DNAI1: variants seen among roughly 807,000 people sequenced by gnomAD.
The protein encoded by DNAI1 is dynein axonemal intermediate chain 1.
A neutral mutation model predicts 92.0 loss-of-function variants in DNAI1; 67 were observed. The ratio of observed to expected loss-of-function variants is 0.73; its 90% CI spans 0.60 to 0.89. The LOEUF is 0.89. Ranked by LOEUF, DNAI1 falls within the 40% of genes least tolerant of loss-of-function variation. The pLI is 0.00. For synonymous variants in DNAI1, 323 were observed against 319.6 expected, an observed-to-expected ratio of 1.01 and a Z score of -0.11; for missense variants, 839 against 866.6, an observed-to-expected ratio of 0.97 and a Z score of 0.40.
intron 10 of DNAI1, among the ~76,000 whole-genome samples, chr9:34,500,273 A>G (rs923380317): frequency 1.3e-5 from 2 of 152,074 alleles, no homozygotes; most frequent in Non-Finnish European, 2.9e-5. Flanking sequence ...TTGGCTGTGG[A>G]TATGAAAATG....
intron 1 of DNAI1, among the ~76,000 whole-genome samples, chr9:34,461,295 A>G (rs1393167020): frequency 1.1e-4 from 16 of 152,212 alleles, no homozygotes; most frequent in Admixed American, 1.0e-3. Flanking sequence ...TTTAAAATAA[A>G]CATTATTGAG....
chr9:34,481,991 T>C (rs1824369682), intron 1 of DNAI1, among the ~76,000 whole-genome samples: 1 of 152,210 alleles, frequency 6.6e-6, no homozygotes, highest in Non-Finnish European at 1.5e-5. Flanking sequence ...TAGAGCCGAG[T>C]GGCCTGTTTT....
At chr9:34,466,224 C>G (rs560603026) in intron 1 of DNAI1, among the ~76,000 whole-genome samples, 1 of 152,318 alleles carries the variant, frequency 6.6e-6, no homozygotes, top group African/African-American at 2.4e-5. Flanking sequence ...CAATTCATGC[C>G]TCCTTTATCC....
At chr9:34,501,937 T>C (rs1459603409) in intron 12 of DNAI1, among the ~76,000 whole-genome samples, 1 of 152,198 alleles carries the variant, frequency 6.6e-6, no homozygotes, top group Admixed American at 6.5e-5. Flanking sequence ...AAGAAGCCCC[T>C]AGCGCTGTGC....
chr9:34,500,643 G>A, intron 10 of DNAI1, 79 bp from the exon 11 acceptor site: 1 of 926,036 alleles, frequency 1.1e-6, no homozygotes, highest in South Asian at 1.4e-5. Context: ...TGCCCAAGGA[G>A]GTACAGACAG....
chr9:34,485,095 C>G, intron 2 of DNAI1, 47 bp from the exon 3 acceptor site: 1 of 1,589,214 alleles, frequency 6.3e-7, no homozygotes, highest in South Asian at 1.1e-5. Flanking sequence ...GTATGCTTGT[C>G]CAAGCAGAAA....
intron 1 of DNAI1, among the ~76,000 whole-genome samples, chr9:34,464,917 A>G (rs1195500903): frequency 1.3e-5 from 2 of 152,194 alleles, no homozygotes; most frequent in Non-Finnish European, 2.9e-5. Context: ...TGGATAGAAG[A>G]AGAAGAGTCC....
chr9:34,494,956 A>G (rs1217593975), intron 9 of DNAI1, among the ~76,000 whole-genome samples: 4 of 152,208 alleles, frequency 2.6e-5, no homozygotes, highest in Admixed American at 6.5e-5. Context: ...CCAGTGGTTG[A>G]ACAGAGTGAC....
At chr9:34,489,850 CAAAA>C (rs962055294) in intron 5 of DNAI1, 158 bp from the exon 6 acceptor site, 71 of 946,950 alleles carry the variant, frequency 7.5e-5, no homozygotes, top group Admixed American at 4.7e-4. Context: ...GACTCTGTCT[CAAAA>C]AAAAAAGCCC....
chr9:34,470,725 C>A (rs1414976365), intron 1 of DNAI1, among the ~76,000 whole-genome samples: 1 of 152,174 alleles, frequency 6.6e-6, no homozygotes. Context: ...ACCAACTTGA[C>A]CTAATTAACA....
intron 16 of DNAI1, among the ~76,000 whole-genome samples, chr9:34,513,789 C>A (rs1002381189): frequency 6.6e-6 from 1 of 151,798 alleles, no homozygotes; most frequent in African/African-American, 2.4e-5. Context: ...CCCCTCTTCA[C>A]CCCTCCCACT....
At chr9:34,518,537 G>A (rs544341466) in intron 19 of DNAI1, among the ~76,000 whole-genome samples, 9 of 152,384 alleles carry the variant, frequency 5.9e-5, no homozygotes, top group East Asian at 1.9e-4. Flanking sequence ...GGGCTTGAGG[G>A]GAGGGAGGGA....
intron 1 of DNAI1, among the ~76,000 whole-genome samples, chr9:34,475,499 A>G (rs974390083): frequency 6.6e-6 from 1 of 152,216 alleles, no homozygotes; most frequent in Non-Finnish European, 1.5e-5. Flanking sequence ...TGTGACTGAC[A>G]GCAGAGCAGG....
chr9:34,468,435 A>C (rs1824079241), intron 1 of DNAI1, among the ~76,000 whole-genome samples: 1 of 150,400 alleles, frequency 6.6e-6, no homozygotes, highest in African/African-American at 2.5e-5. Context: ...CTGATCCACC[A>C]GTCTTGGCCT....
intron 2 of DNAI1, 107 bp from the exon 3 acceptor site, chr9:34,485,035 A>G (rs1824443541): frequency 9.5e-7 from 1 of 1,052,468 alleles, no homozygotes. Flanking sequence ...TTCTACATAC[A>G]AGGGGCAGAG....
intron 1 of DNAI1, among the ~76,000 whole-genome samples, chr9:34,464,842 G>A (rs1349524118): frequency 6.6e-6 from 1 of 152,174 alleles, no homozygotes; most frequent in Middle Eastern, 3.4e-3. Flanking sequence ...TGTGGTAGGG[G>A]GTCTTCATTC....
chr9:34,483,402 G>A, intron 1 of DNAI1, 46 bp from the exon 2 acceptor site: 2 of 1,588,734 alleles, frequency 1.3e-6, no homozygotes, highest in Non-Finnish European at 1.7e-6. Context: ...ATATTTCCAT[G>A]TCAATTTGCT....
intron 18 of DNAI1, among the ~76,000 whole-genome samples, chr9:34,515,199 T>C (rs188607450): frequency 5.3e-4 from 81 of 152,306 alleles, no homozygotes; most frequent in African/African-American, 1.9e-3. Flanking sequence ...ACACTGAGAA[T>C]TGGTGAGAGC....
chr9:34,491,612 C>T (rs1824596463), intron 8 of DNAI1, 58 bp downstream of exon 8: 3 of 1,585,318 alleles, frequency 1.9e-6, no homozygotes, highest in African/African-American at 1.3e-5. Flanking sequence ...ATCCTTTCCT[C>T]ATTTAGCAGC....
Sources: gnomAD v4.1 joint callset for allele counts (sites outside exome capture counted in the v4.1 genomes callset) on GRCh38, gnomAD v4.1.1 for gene constraint, MANE v1.5 for transcripts, NCBI Gene and HGNC (gene_info 2026-07-23, HGNC 2026-07-21) for gene names.